SNX13: variants seen among roughly 807,000 people sequenced by gnomAD.
The protein encoded by SNX13 is sorting nexin 13, also known as sorting nexin-13.
SNX13 carries 45 observed loss-of-function variants against 133.6 expected under a neutral mutation model. The observed-to-expected ratio is 0.34, with a 90% CI of 0.27 to 0.43. The LOEUF is 0.43. Among genes scored for constraint, SNX13 ranks in the 20% least tolerant of loss-of-function variants. SNX13 has a pLI of 1.00. For synonymous variants in SNX13, 414 were observed against 373.9 expected (o/e 1.11, Z -1.24); for missense variants, 1,032 against 1,145.1 (o/e 0.90, Z 1.43).
intron 16 of SNX13, 28 bp downstream of exon 16, chr7:17,829,982 T>C (rs1419268590): frequency 3.0e-5 from 45 of 1,475,780 alleles, no homozygotes; most frequent in Non-Finnish European, 4.1e-5. Flanking sequence ...TCAAGTCACT[T>C]TAATAAAGTA....
At position 17,834,772 on chromosome 7, in the gene SNX13, T is replaced by C. The variant is rs201637072; in HGVS notation, c.1453A>G (p.Ile485Val). The C allele has an allele frequency of 1.9e-3, 3,009 of 1,594,668 alleles. 4 individuals are homozygous for C. Among genetic ancestry groups the C allele is most frequent in the Non-Finnish European group, 2.2e-3 (2,610 of 1,163,758 alleles). Residue 485 changes from isoleucine to valine, a missense_variant, in exon 14 of 26, where the codon ATT becomes GTT. Coordinates refer to ENST00000428135, the MANE Select transcript of SNX13 (RefSeq NM_015132.5). The part of the protein sequence containing the change: ...EDPTPEIFDD[I>V]QRKVYELMLR... ...GTACATAATAATACCTTTCTTTGAA[T>C]GTCATCAAAGATTTCAGGGGTTGGA...
At chr7:17,837,775 CT>C (rs1266207627) in intron 13 of SNX13, among the ~76,000 whole-genome samples, 1 of 151,538 alleles carries the variant, frequency 6.6e-6, no homozygotes, top group Non-Finnish European at 1.5e-5. Context: ...AAATAAATTA[CT>C]TTTAGTAAAG....
At position 17,937,361 on chromosome 7, in the gene SNX13, A is replaced by G. The variant is rs528166539; in HGVS notation, c.12+2923T>C. Among the ~76,000 whole-genome samples the G allele has an allele frequency of 9.2e-5, 14 of 152,014 alleles. No homozygotes were observed. The South Asian group carries it at 2.9e-3, about 32-fold the overall frequency. On this transcript the variant is annotated intron_variant, in intron 1 of 25. Coordinates refer to ENST00000428135, the MANE Select transcript of SNX13 (RefSeq NM_015132.5). ...CTGAAAAGGTTTCAATTAGAGATAT[A>G]TTTTTGGCCCGGTGCAGTGGCTCAC... is the stretch of plus-strand genomic sequence containing the variant.
At chr7:17,939,271 C>G (rs1362317512) in intron 1 of SNX13, among the ~76,000 whole-genome samples, 1 of 152,176 alleles carries the variant, frequency 6.6e-6, no homozygotes, top group African/African-American at 2.4e-5. Context: ...AAAACTGTTT[C>G]CTATTCAGTT....
chr7:17,896,660 C>G (rs1269674553), intron 2 of SNX13, among the ~76,000 whole-genome samples: 1 of 152,102 alleles, frequency 6.6e-6, no homozygotes, highest in Non-Finnish European at 1.5e-5. Context: ...CAACAAAAGA[C>G]TCATTTCAAC....
chr7:17,820,224 A>G (rs558928174), intron 18 of SNX13, among the ~76,000 whole-genome samples: 1 of 152,288 alleles, frequency 6.6e-6, no homozygotes, highest in African/African-American at 2.4e-5. Context: ...CTAAACTCTC[A>G]TTAATTTGCA....
At chr7:17,801,973 G>A (rs931834779) in intron 21 of SNX13, among the ~76,000 whole-genome samples, 4 of 151,938 alleles carry the variant, frequency 2.6e-5, no homozygotes, top group African/African-American at 9.7e-5. Context: ...GTCATGCATC[G>A]CATAATGACG....
intron 2 of SNX13, among the ~76,000 whole-genome samples, chr7:17,895,271 G>T (rs1448892208): frequency 6.6e-6 from 1 of 151,990 alleles, no homozygotes; most frequent in East Asian, 1.9e-4. Flanking sequence ...ACTGTAGTTG[G>T]GTGCCATAAA....
intron 9 of SNX13, among the ~76,000 whole-genome samples, chr7:17,861,648 C>G (rs572391055): frequency 3.6e-4 from 55 of 152,256 alleles, no homozygotes; most frequent in Non-Finnish European, 5.4e-4. Flanking sequence ...AAGAAAGTCT[C>G]AGATGGACAT....
At chr7:17,802,389 T>C (rs1375905575) in intron 21 of SNX13, among the ~76,000 whole-genome samples, 3 of 152,142 alleles carry the variant, frequency 2.0e-5, no homozygotes, top group African/African-American at 7.2e-5. Context: ...TATGTTAATA[T>C]GTTTAAGAAA....
At chr7:17,904,822 T>C (rs569558626) in intron 1 of SNX13, among the ~76,000 whole-genome samples, 1 of 152,310 alleles carries the variant, frequency 6.6e-6, no homozygotes, top group South Asian at 2.1e-4. Flanking sequence ...TCCCACGTTA[T>C]TCTATGTACA....
chr7:17,823,174 C>A (rs937889012), intron 17 of SNX13, among the ~76,000 whole-genome samples: 1 of 152,120 alleles, frequency 6.6e-6, no homozygotes, highest in Non-Finnish European at 1.5e-5. Flanking sequence ...CCCTTCAATT[C>A]TCTGAATTTA....
chr7:17,911,444 G>C (rs931785555), intron 1 of SNX13, among the ~76,000 whole-genome samples: 1 of 152,018 alleles, frequency 6.6e-6, no homozygotes, highest in South Asian at 2.1e-4. Context: ...TTCAAGACCA[G>C]ACTGGCCAAC....
chr7:17,791,836 T>TA lies in SNX13; in HGVS notation c.*2208dup, dbSNP rs1454356133. The TA allele has an allele frequency of 6.6e-6, 1 of 152,110 alleles. No individual in the cohort carries two copies. The highest frequency in any genetic ancestry group is 6.6e-5 in the Admixed American group (1 of 15,240). The allele number at this position is 152,110 out of a possible 1,614,324, so 9.4% of individuals were successfully genotyped here. A position where few individuals can be genotyped will look rare whatever the true frequency, so the allele number is the denominator to read the frequency against. On this transcript the variant is annotated 3_prime_UTR_variant, in exon 26 of 26. Transcript: ENST00000428135. ...AGCATGACCACAGCTCTTTCTGATG[T>TA]AAAAGACAGATGTGCATAGAGAAGG...
At chr7:17,916,050 G>C (rs374275370) in intron 1 of SNX13, among the ~76,000 whole-genome samples, 1 of 152,118 alleles carries the variant, frequency 6.6e-6, no homozygotes, top group African/African-American at 2.4e-5. Context: ...TCCTGCTCCT[G>C]AATGACTTTT....
chr7:17,795,270 T>C (rs1404138420), intron 25 of SNX13: 1 of 151,682 alleles, frequency 6.6e-6, no homozygotes, highest in African/African-American at 2.4e-5. Flanking sequence ...TAATTACAAA[T>C]AATTATTCAT....
chr7:17,902,250 T>G (rs1405800792), intron 1 of SNX13, among the ~76,000 whole-genome samples: 107 of 151,218 alleles, frequency 7.1e-4, no homozygotes, highest in South Asian at 4.4e-3. Context: ...TGGTTTTTTT[T>G]TTTTTTTTTT....
intron 1 of SNX13, among the ~76,000 whole-genome samples, chr7:17,898,541 A>C (rs1797470555): frequency 6.6e-6 from 1 of 152,194 alleles, no homozygotes; most frequent in African/African-American, 2.4e-5. Context: ...ACCCCCATAA[A>C]TCTACATTCT....
At chr7:17,922,944 C>T (rs1800293357) in intron 1 of SNX13, among the ~76,000 whole-genome samples, 1 of 152,122 alleles carries the variant, frequency 6.6e-6, no homozygotes, top group South Asian at 2.1e-4. Flanking sequence ...ACTTAATACA[C>T]TTTCACACTG....
Sources: allele counts gnomAD v4.1 joint callset (sites outside exome capture counted in the v4.1 genomes callset), GRCh38; gene constraint gnomAD v4.1.1; transcripts MANE v1.5; gene names NCBI Gene and HGNC (gene_info 2026-07-23, HGNC 2026-07-21).